ADK: variants seen among roughly 807,000 people sequenced by gnomAD.
ADK encodes the protein adenosine kinase, also known as N6,N6-dimethyladenosine kinase.
In ADK, 24 loss-of-function variants were observed where a neutral mutation model predicts 44.7. The observed-to-expected ratio is 0.54, with a 90% CI of 0.39 to 0.76. The LOEUF (loss-of-function observed/expected upper bound fraction) is 0.76. ADK is among the 30% of genes least tolerant of loss of function. ADK has a pLI of 0.00. For missense variants in ADK, 321 were observed against 425.1 expected (o/e 0.76, Z 2.15); for synonymous variants, 128 against 142.6 (o/e 0.90, Z 0.73).
At chr10:74,236,880 A>G (rs1844983232) in intron 3 of ADK, among the ~76,000 whole-genome samples, 1 of 152,220 alleles carries the variant, frequency 6.6e-6, no homozygotes, top group South Asian at 2.1e-4. Context: ...ATAAAAATGT[A>G]TATTCCTTAA....
intron 7 of ADK, among the ~76,000 whole-genome samples, chr10:74,535,134 T>C (rs1247320668): frequency 6.6e-6 from 1 of 152,206 alleles, no homozygotes; most frequent in East Asian, 1.9e-4. Context: ...GAGTGCTTCA[T>C]AGGTGTTTTT....
chr10:74,590,078 T>G (rs1002338771), intron 8 of ADK, among the ~76,000 whole-genome samples: 1 of 152,200 alleles, frequency 6.6e-6, no homozygotes, highest in Non-Finnish European at 1.5e-5. Flanking sequence ...TCCAACTGAT[T>G]GTTAGAAAAC....
At chr10:74,217,065 G>A (rs1844070083) in intron 2 of ADK, among the ~76,000 whole-genome samples, 1 of 152,226 alleles carries the variant, frequency 6.6e-6, no homozygotes, top group African/African-American at 2.4e-5. Context: ...GCAGGGCGAG[G>A]CATTGCCTCA....
At chr10:74,547,440 ATATATATT>A (rs60921827) in intron 7 of ADK, among the ~76,000 whole-genome samples, 83,727 of 134,716 alleles carry the variant, frequency 0.62, 27,527 homozygotes, top group Middle Eastern at 0.81. Flanking sequence ...TTATATATAT[ATATATATT>A]TATTTATTTA....
At chr10:74,486,914 A>T (rs1264491212) in intron 6 of ADK, among the ~76,000 whole-genome samples, 1 of 152,126 alleles carries the variant, frequency 6.6e-6, no homozygotes, top group Non-Finnish European at 1.5e-5. Context: ...TGTTTCCCAG[A>T]TCTATGTGTA....
chr10:74,702,514 T>G (rs1049336695), intron 10 of ADK, among the ~76,000 whole-genome samples: 13 of 147,898 alleles, frequency 8.8e-5, no homozygotes, highest in Non-Finnish European at 4.5e-5. Flanking sequence ...CAGTCTGTCT[T>G]CCTTCCTTCT....
At chr10:74,654,678 G>C (rs1170028344) in intron 9 of ADK, among the ~76,000 whole-genome samples, 1 of 152,218 alleles carries the variant, frequency 6.6e-6, no homozygotes, top group African/African-American at 2.4e-5. Flanking sequence ...CGGGTGTGGT[G>C]GCAGGCACCT....
At chr10:74,272,919 A>T (rs1288393503) in intron 3 of ADK, among the ~76,000 whole-genome samples, 3 of 152,146 alleles carry the variant, frequency 2.0e-5, no homozygotes, top group Non-Finnish European at 4.4e-5. Context: ...TATACTGCAG[A>T]TCCTCTCTGC....
chr10:74,566,816 T>TA (rs1367945611), intron 7 of ADK, among the ~76,000 whole-genome samples: 1 of 152,226 alleles, frequency 6.6e-6, no homozygotes, highest in Non-Finnish European at 1.5e-5. Flanking sequence ...CTTTTCCTGT[T>TA]ACCTTTTAAA....
At chr10:74,194,514 GATTTTATCCT>G (rs1340127821) in intron 1 of ADK, among the ~76,000 whole-genome samples, 1 of 152,104 alleles carries the variant, frequency 6.6e-6, no homozygotes, top group African/African-American at 2.4e-5. Context: ...TATGCTTTTG[GATTTTATCCT>G]ATTAATAATC....
chr10:74,423,195 A>C (rs1844630796), intron 6 of ADK, among the ~76,000 whole-genome samples: 2 of 152,168 alleles, frequency 1.3e-5, no homozygotes, highest in Admixed American at 6.5e-5. Flanking sequence ...AGAGCAGAAA[A>C]TCAATATTAT....
At chr10:74,408,853 G>A (rs139711001) in intron 6 of ADK, among the ~76,000 whole-genome samples, 1 of 152,250 alleles carries the variant, frequency 6.6e-6, no homozygotes, top group East Asian at 1.9e-4. Flanking sequence ...GGGAAGAAGA[G>A]GAGGAGTGGT....
chr10:74,556,161 A>T (rs1365948286), intron 7 of ADK, among the ~76,000 whole-genome samples: 2 of 152,214 alleles, frequency 1.3e-5, no homozygotes, highest in African/African-American at 2.4e-5. Flanking sequence ...CGGGGCAGCA[A>T]TTACTTATAT....
At chr10:74,269,881 C>T (rs1232804765) in intron 3 of ADK, among the ~76,000 whole-genome samples, 1 of 152,106 alleles carries the variant, frequency 6.6e-6, no homozygotes, top group Non-Finnish European at 1.5e-5. Flanking sequence ...GCCAGTAGTC[C>T]CAGCTACTCG....
At chr10:74,319,636 C>T (rs2169684) in intron 4 of ADK, among the ~76,000 whole-genome samples, 97,979 of 151,982 alleles carry the variant, frequency 0.64, 32,908 homozygotes, top group Middle Eastern at 0.79. Flanking sequence ...ATAATTCAGC[C>T]GATAACAACT....
chr10:74,375,423 T>TA (rs968145358), intron 4 of ADK, among the ~76,000 whole-genome samples: 16 of 152,306 alleles, frequency 1.1e-4, no homozygotes, highest in African/African-American at 2.9e-4. Flanking sequence ...CATTGCCCTT[T>TA]AAAAAAATTG....
intron 6 of ADK, among the ~76,000 whole-genome samples, chr10:74,477,230 G>A (rs961541074): frequency 7.9e-5 from 12 of 152,034 alleles, no homozygotes; most frequent in Non-Finnish European, 1.6e-4. Context: ...TTTGAGACAT[G>A]GTCTCACTTT....
intron 10 of ADK, among the ~76,000 whole-genome samples, chr10:74,696,126 T>C (rs1335747316): frequency 6.6e-6 from 1 of 152,066 alleles, no homozygotes; most frequent in Non-Finnish European, 1.5e-5. Context: ...ATTCAAGCAA[T>C]TCTCATCCCT....
At chr10:74,544,203 C>A (rs528588380) in intron 7 of ADK, among the ~76,000 whole-genome samples, 1 of 152,210 alleles carries the variant, frequency 6.6e-6, no homozygotes, top group African/African-American at 2.4e-5. Flanking sequence ...CAGTGACTTT[C>A]ATTCTTCACT....
Sources: gnomAD v4.1 joint callset for allele counts (sites outside exome capture counted in the v4.1 genomes callset) on GRCh38, gnomAD v4.1.1 for gene constraint, MANE v1.5 for transcripts, NCBI Gene and HGNC (gene_info 2026-07-23, HGNC 2026-07-21) for gene names.